Variants in INPP5B observed in about 807,000 individuals in gnomAD.
The protein encoded by INPP5B is inositol polyphosphate-5-phosphatase B, also known as type II inositol 1,4,5-trisphosphate 5-phosphatase.
In INPP5B, 90 loss-of-function variants were observed where a neutral mutation model predicts 118.5. That is an observed-to-expected ratio of 0.76 (90% CI 0.64 to 0.90). INPP5B has a LOEUF of 0.90. INPP5B is among the 40% of genes least tolerant of loss of function. The probability of loss-of-function intolerance (pLI) is 0.00; values close to 1 mark genes in which losing one functional copy is unlikely to be tolerated. For missense variants in INPP5B, 984 were observed against 1,125.6 expected (o/e 0.87, Z 1.80); for synonymous variants, 385 against 418.9 (o/e 0.92, Z 0.99).
In INPP5B at chr1:37,898,940, G is replaced by C. The variant is rs1255851790; in HGVS notation, c.533-7486C>G. The stretch of plus-strand genomic sequence containing the variant: ...CTCACGTCTGTAATCCCAGTACTCT[G>C]GAAGGCTGAGGCAGGCGGATCCCCT... On this transcript the variant is annotated intron_variant, in intron 7 of 23. Transcript: ENST00000373024. Among the ~76,000 whole-genome samples, 4 of 151,932 alleles carry C rather than the reference G, an allele frequency of 2.6e-5. No homozygotes were observed. In the South Asian group the frequency reaches 6.2e-4, roughly 24 times the overall value.
chr1:37,921,086 A>G (rs2148632888), intron 7 of INPP5B, among the ~76,000 whole-genome samples: 1 of 152,350 alleles, frequency 6.6e-6, no homozygotes, highest in Non-Finnish European at 1.5e-5. Flanking sequence ...AGACTGGGTG[A>G]CAGAGTAAGA....
rs930305112 is a variant in INPP5B, at chr1:37,876,714, A to C, written c.1678-998T>G. On this transcript the variant is annotated intron_variant, in intron 16 of 23. Transcript: ENST00000373024. Reference sequence around the variant, plus strand: ...CTCTACTAAAAATACAAAAAAAAAAAAAAAAAAAACCATTAGCCGGGTGTG... The same window carrying C: ...CTCTACTAAAAATACAAAAAAAAAACAAAAAAAAACCATTAGCCGGGTGTG... Among the ~76,000 whole-genome samples, 29 of 148,668 alleles carry C rather than the reference A, an allele frequency of 2.0e-4. 1 individual carries two copies. Among genetic ancestry groups the C allele is most frequent in the African/African-American group, 6.8e-4 (28 of 40,928 alleles).
chr1:37,906,190 T>G (rs893773662), intron 7 of INPP5B, among the ~76,000 whole-genome samples: 2 of 152,182 alleles, frequency 1.3e-5, no homozygotes, highest in African/African-American at 2.4e-5. Flanking sequence ...ATGAGAAAAC[T>G]GGCCTCATAC....
intron 1 of INPP5B, 127 bp from the exon 2 acceptor site, chr1:37,946,461 T>C (rs1646116165): frequency 9.1e-6 from 6 of 656,068 alleles, no homozygotes; most frequent in Non-Finnish European, 1.6e-5. Context: ...CGGGGAGGCC[T>C]GATCCTCCTC....
chr1:37,888,333 C>T lies in INPP5B; in HGVS notation c.809G>A (p.Gly270Glu). Reference sequence around the variant, plus strand: ...GGACTGCCCATTTACATTGTATGTTCCCGCAAAAAACCTGTCACCAAAGAG... The same window carrying T: ...GGACTGCCCATTTACATTGTATGTTTCCGCAAAAAACCTGTCACCAAAGAG... ...TYIQNFRFFA[G>E]TYNVNGQSPK... Residue 270 changes from glycine to glutamate, a missense_variant, in exon 10 of 24, where the codon GGA becomes GAA. Transcript: ENST00000373024. 6.5e-7 allele frequency: 1 copy of T among 1,539,066 alleles called. No homozygotes were observed. Among genetic ancestry groups the T allele is most frequent in the Non-Finnish European group, 8.7e-7 (1 of 1,143,670 alleles).
rs148686153 is a variant in INPP5B at position 37,900,753 on chromosome 1, C to T, written c.533-9299G>A. 8.7e-5 allele frequency among the ~76,000 whole-genome samples: 13 copies of T among 149,946 alleles called. No homozygotes were observed. The East Asian group carries it at 2.4e-3, about 28-fold the overall frequency. On this transcript the variant is annotated intron_variant, in intron 7 of 23. Transcript: ENST00000373024. ...AAGCAATTCTCATACCTCAGCCTCC[C>T]GTGTAGCTGGGACTACAGGTAGATG... is the stretch of plus-strand genomic sequence containing the variant.
Position 37,932,145 on chromosome 1 carries a change from TCTCC to T in INPP5B, c.392-96_392-93del, listed in dbSNP as rs574954309. The T allele has an allele frequency of 2.9e-4, 348 of 1,206,884 alleles. No homozygotes were observed. The African/African-American group carries it at 5.3e-3, about 18-fold the overall frequency. 74.8% of individuals were successfully genotyped at this position (1,206,884 alleles called of 1,614,324 possible). A position where few individuals can be genotyped will look rare whatever the true frequency, so the allele number is the denominator to read the frequency against. On this transcript the variant is annotated intron_variant, in intron 6 of 23. Coordinates refer to ENST00000373024, the MANE Select transcript of INPP5B (RefSeq NM_005540.3). ...TATCCCAAGAGACTCCGGCCCTGTT[TCTCC>T]CGCGCACAGAAGGGTTCTGTGCGCA...
At chr1:37,945,374 A>G (rs1249981735) in intron 3 of INPP5B, among the ~76,000 whole-genome samples, 2 of 152,158 alleles carry the variant, frequency 1.3e-5, no homozygotes, top group Non-Finnish European at 2.9e-5. Flanking sequence ...CAGAGGTTGC[A>G]GTGAGCCAAG....
In INPP5B at chr1:37,887,369, T is replaced by C; in HGVS notation, c.996A>G (p.Pro332=). The change falls in exon 11 of 24, where the codon CCA becomes CCG. Residue 332 remains proline (P), a synonymous_variant. Coordinates refer to ENST00000373024, the MANE Select transcript of INPP5B (RefSeq NM_005540.3). The part of the protein sequence containing the change: ...WFKAVSEGLH[P]DAKYAKVKLI... ...CTCTTACCTTTGCATATTTGGCATC[T>C]GGATGAAGACCCTCTGACACAGCTT... The C allele has an allele frequency of 6.2e-7, 1 of 1,606,944 alleles. No individual in the cohort carries two copies. Among genetic ancestry groups the C allele is most frequent in the East Asian group, 2.2e-5 (1 of 44,848 alleles).
rs199676247 is a variant in INPP5B at position 37,865,786 on chromosome 1, G to C, written c.2489C>G (p.Ser830Cys). The change falls in exon 22 of 24, where the codon TCT (serine) becomes TGT (cysteine). Residue 830 changes from serine to cysteine, a missense_variant. Ser to Cys is a moderately radical substitution (Grantham distance 112, BLOSUM62 -1). Around this residue, in one of 2 missense-constraint regions of INPP5B, gnomAD observed 634 missense variants for 791.0 expected, o/e 0.80. Transcript: ENST00000373024. ...CTGTTTGCTTGCTGTGTAGTTGCCA[G>C]AACACTCCAAGCAGTTATGGTAGGT... ...YSTYHNCLEC[S>C]GNYTASKQVI... 160 of 1,613,528 alleles carry C rather than the reference G, an allele frequency of 9.9e-5. No individual in the cohort carries two copies. The highest frequency in any genetic ancestry group is 1.4e-4 in the Non-Finnish European group (160 of 1,179,708).
chr1:37,863,402 C>G (rs1389900436), intron 23 of INPP5B, among the ~76,000 whole-genome samples: 2 of 152,082 alleles, frequency 1.3e-5, no homozygotes, highest in East Asian at 3.9e-4. Flanking sequence ...GTAGTCCCAG[C>G]TACTCGGGAG....
At chr1:37,887,514 A>T in intron 10 of INPP5B, 49 bp from the exon 11 acceptor site, 3 of 1,086,488 alleles carry the variant, frequency 2.8e-6, no homozygotes, top group Non-Finnish European at 4.2e-6. Flanking sequence ...TAATGTGCAA[A>T]TGACACATTC....
At position 37,880,138 on chromosome 1, in the gene INPP5B, G is replaced by A. The variant is rs1431741688; in HGVS notation, c.1488C>T (p.Leu496=). The change falls in exon 15 of 24, where the codon CTC becomes CTT. Residue 496 remains leucine (L), a synonymous_variant. Coordinates refer to ENST00000373024, the MANE Select transcript of INPP5B (RefSeq NM_005540.3). Reference sequence around the variant, plus strand: ...CATACTTGTAAGTAGGCTGGAATGTGAGCTCACCCTCTGTGAAGCCTTCAA... The same window carrying A: ...CATACTTGTAAGTAGGCTGGAATGTAAGCTCACCCTCTGTGAAGCCTTCAA... The part of the protein sequence containing the change: ...TVFEGFTEGE[L]TFQPTYKYDT... The A allele has an allele frequency of 1.9e-6, 3 of 1,612,204 alleles. No individual in the cohort carries two copies. Among genetic ancestry groups the A allele is most frequent in the Non-Finnish European group, 2.5e-6 (3 of 1,178,648 alleles).
intron 7 of INPP5B, among the ~76,000 whole-genome samples, chr1:37,891,699 G>T (rs551369424): frequency 1.3e-5 from 2 of 151,792 alleles, no homozygotes; most frequent in African/African-American, 4.8e-5. Context: ...GCTTGAACCC[G>T]GGAGGCGGAG....
chr1:37,916,346 G>T (rs575134771), intron 7 of INPP5B, among the ~76,000 whole-genome samples: 20 of 150,754 alleles, frequency 1.3e-4, no homozygotes, highest in African/African-American at 4.9e-4. Context: ...CGCCCACCTC[G>T]ACCTCCCAAA....
chr1:37,901,177 G>A (rs1644319400), intron 7 of INPP5B, among the ~76,000 whole-genome samples: 1 of 152,178 alleles, frequency 6.6e-6, no homozygotes, highest in African/African-American at 2.4e-5. Flanking sequence ...AGCTCTGCGA[G>A]GCAGGGACTT....
chr1:37,885,606 G>A, intron 13 of INPP5B, 32 bp downstream of exon 13: 1 of 1,601,122 alleles, frequency 6.2e-7, no homozygotes, highest in South Asian at 1.1e-5. Flanking sequence ...TGTACTCATG[G>A]TGAACCGCAT....
intron 5 of INPP5B, among the ~76,000 whole-genome samples, chr1:37,942,420 C>T (rs1222463862): frequency 1.3e-5 from 2 of 151,606 alleles, no homozygotes; most frequent in Non-Finnish European, 2.9e-5. Flanking sequence ...GGCAACAGAG[C>T]GAGACTCTGT....
At chr1:37,924,264 G>A (rs1645150705) in intron 7 of INPP5B, among the ~76,000 whole-genome samples, 1 of 151,942 alleles carries the variant, frequency 6.6e-6, no homozygotes, top group East Asian at 1.9e-4. Flanking sequence ...CACCTCTGGG[G>A]TTCAAGCGAT....
Sources: allele counts gnomAD v4.1 joint callset (sites outside exome capture counted in the v4.1 genomes callset), GRCh38; gene constraint gnomAD v4.1.1; regional missense constraint gnomAD v4.1.1; transcripts MANE v1.5; gene names NCBI Gene and HGNC (gene_info 2026-07-23, HGNC 2026-07-21).